The following SLC2A2 variants were observed in gnomAD, a reference collection of about 807,000 sequenced individuals.
SLC2A2 encodes solute carrier family 2, facilitated glucose transporter member 2.
A neutral mutation model predicts 54.5 loss-of-function variants in SLC2A2; 36 were observed. The observed-to-expected ratio is 0.66, with a 90% CI of 0.51 to 0.87. The LOEUF is 0.87. Ranked by LOEUF, SLC2A2 falls within the 40% of genes least tolerant of loss-of-function variation. The pLI, the probability that SLC2A2 is intolerant of heterozygous loss-of-function variation, is 0.00. For synonymous variants in SLC2A2, 223 were observed against 219.1 expected (o/e 1.02, Z -0.16); for missense variants, 543 against 624.3 (o/e 0.87, Z 1.39).
intron 1 of SLC2A2, among the ~76,000 whole-genome samples, chr3:171,024,997 A>G (rs1716624119): frequency 6.6e-6 from 1 of 152,258 alleles, no homozygotes; most frequent in Admixed American, 6.5e-5. Flanking sequence ...TGTGCCAGAC[A>G]CTATGTTAAG....
At chr3:171,026,570 T>C (rs1188139270) in intron 1 of SLC2A2, 86 bp downstream of exon 1, 2 of 1,122,888 alleles carry the variant, frequency 1.8e-6, no homozygotes, top group Non-Finnish European at 2.7e-6. Context: ...ACACCCAACC[T>C]CCCCCAAATC....
chr3:171,003,448 G>T (rs1715436135), intron 7 of SLC2A2, among the ~76,000 whole-genome samples: 1 of 147,592 alleles, frequency 6.8e-6, no homozygotes, highest in South Asian at 2.2e-4. Flanking sequence ...TTTTGGGGGG[G>T]AGGGTGGGAG....
intron 1 of SLC2A2, among the ~76,000 whole-genome samples, chr3:171,020,184 T>C (rs1286958798): frequency 6.6e-6 from 1 of 152,074 alleles, no homozygotes; most frequent in South Asian, 2.1e-4. Context: ...GTATAAAGAA[T>C]AGCAAATTAG....
intron 1 of SLC2A2, among the ~76,000 whole-genome samples, chr3:171,019,301 C>T (rs1215102449): frequency 6.6e-6 from 1 of 151,730 alleles, no homozygotes; most frequent in Non-Finnish European, 1.5e-5. Flanking sequence ...TGGATGTTGC[C>T]ATGGTGACAA....
intron 4 of SLC2A2, among the ~76,000 whole-genome samples, chr3:171,008,846 A>G (rs1465893857): frequency 6.6e-6 from 1 of 152,086 alleles, no homozygotes; most frequent in Non-Finnish European, 1.5e-5. Context: ...CTTTACCTTG[A>G]TAAAGCTACA....
chr3:171,012,630 G>A (rs1715946270), intron 3 of SLC2A2, among the ~76,000 whole-genome samples: 1 of 152,002 alleles, frequency 6.6e-6, no homozygotes, highest in Non-Finnish European at 1.5e-5. Context: ...AATAATGGAA[G>A]TATTACATTT....
chr3:171,016,861 T>C (rs898983543), intron 2 of SLC2A2, among the ~76,000 whole-genome samples: 3 of 151,354 alleles, frequency 2.0e-5, no homozygotes, highest in Admixed American at 2.0e-4. Flanking sequence ...TCTTTTTTTT[T>C]TTTTTTTTTG....
chr3:170,997,996 T>A lies in SLC2A2; in HGVS notation c.1482A>T (p.Glu494Asp), dbSNP rs1446857276. The A allele has an allele frequency of 6.2e-7, 1 of 1,613,626 alleles. No individual in the cohort carries two copies. The highest frequency in any genetic ancestry group is 8.5e-7 in the Non-Finnish European group (1 of 1,179,794). Residue 494 changes from glutamate to aspartate, a missense_variant, in exon 11 of 11, where the codon GAA (glutamate) becomes GAT (aspartate). Around this residue, in one of 3 missense-constraint regions of SLC2A2, gnomAD observed 108 missense variants for 101.3 expected, o/e 1.07. Transcript: ENST00000314251. Reference sequence around the variant, plus strand: ...TCTTCTTTTGGAATTCTGCAGCAATTTCCTCAAAAGACTTTCCTTTGGTTT... The same window carrying A: ...TCTTCTTTTGGAATTCTGCAGCAATATCCTCAAAAGACTTTCCTTTGGTTT... ...VPETKGKSFE[E>D]IAAEFQKKSG...
chr3:171,002,597 G>A lies in SLC2A2; in HGVS notation c.1047C>T (p.Asn349=), dbSNP rs768406855. Residue 349 remains asparagine (N), a synonymous_variant, in exon 8 of 11, where the codon AAC becomes AAT. Coordinates refer to ENST00000314251, the MANE Select transcript of SLC2A2 (RefSeq NM_000340.2). The stretch of plus-strand genomic sequence containing the variant: ...TTACAGAGACAGCAGTGAAAACCAT[G>A]TTTACAGCGCCAACTCCAATGGTTG... ...VYATIGVGAV[N]MVFTAVSVFL... 1.3e-5 allele frequency: 21 copies of A among 1,609,114 alleles called. No homozygotes were observed. The highest frequency in any genetic ancestry group is 1.7e-5 in the Admixed American group (1 of 59,716).
rs1426601613 is a variant in SLC2A2, at chr3:171,019,113, ATATATATATACGTATG to A, written c.16-506_16-491del. On this transcript the variant is annotated intron_variant, in intron 1 of 10. Transcript: ENST00000314251. ...TGTGTGTGTGTATATATATATATAT[ATATATATATACGTATG>A]TATATATATATATATATATATATAT... Among the ~76,000 whole-genome samples, 40 of 5,550 alleles carry A rather than the reference ATATATATATACGTATG, an allele frequency of 7.2e-3. No individual in the cohort carries two copies. In the East Asian group the frequency reaches 0.083, roughly 12 times the overall value. The allele number at this position is 5,550 out of a possible 152,430, so 3.6% of individuals were successfully genotyped here.
chr3:171,001,826 C>T lies in SLC2A2; in HGVS notation c.1068+750G>A, dbSNP rs887609245. Among the ~76,000 whole-genome samples, 4 of 150,996 alleles carry T rather than the reference C, an allele frequency of 2.6e-5. No homozygotes were observed. The South Asian group carries it at 6.3e-4, about 24-fold the overall frequency. ...TAAGAACCATCACTTCTTATATATC[C>T]TTAATATATAAGAACCATCACTTCT... On this transcript the variant is annotated intron_variant, in intron 8 of 10. Coordinates refer to ENST00000314251, the MANE Select transcript of SLC2A2 (RefSeq NM_000340.2).
At chr3:171,016,162 G>A (rs760969381) in intron 2 of SLC2A2, among the ~76,000 whole-genome samples, 2 of 152,196 alleles carry the variant, frequency 1.3e-5, no homozygotes, top group Non-Finnish European at 2.9e-5. Context: ...CAGACTGGGT[G>A]CCGTAGCTCA....
At chr3:171,015,710 C>T (rs187206761) in intron 2 of SLC2A2, among the ~76,000 whole-genome samples, 6 of 152,014 alleles carry the variant, frequency 3.9e-5, no homozygotes, top group African/African-American at 1.4e-4. Flanking sequence ...ACTTCCTAGC[C>T]ACCAGGGCAG....
intron 3 of SLC2A2, among the ~76,000 whole-genome samples, chr3:171,013,240 T>C (rs536636152): frequency 4.6e-5 from 7 of 152,280 alleles, no homozygotes; most frequent in African/African-American, 1.7e-4. Context: ...AAATAATTAA[T>C]CTAGAGAATT....
At chr3:171,021,321 G>C (rs1716454759) in intron 1 of SLC2A2, among the ~76,000 whole-genome samples, 1 of 152,144 alleles carries the variant, frequency 6.6e-6, no homozygotes, top group Non-Finnish European at 1.5e-5. Context: ...ACTGAAACCA[G>C]GACAATCTCA....
Position 171,002,653 on chromosome 3 carries a change from GA to G in SLC2A2, c.990del (p.Gln331ArgfsTer18). The G allele has an allele frequency of 6.2e-7, 1 of 1,608,312 alleles. No individual in the cohort carries two copies. The highest frequency in any genetic ancestry group is 8.5e-7 in the Non-Finnish European group (1 of 1,176,522). Reference protein sequence around the residue: ...NGIFYYSTSIFQTAGISKPVY... With the variant: ...NGIFYYSTSIXQTAGISKPVY... The stretch of plus-strand genomic sequence containing the variant: ...ACAGGTTTGCTGATACCAGCCGTCT[GA>G]AAAATGCTGGTTGAGTAGTAAAAAA... On this transcript the variant is annotated frameshift_variant, in exon 8 of 11. Transcript: ENST00000314251. LOFTEE classifies it high-confidence loss of function.
chr3:171,011,642 A>G (rs1359509013), intron 3 of SLC2A2, among the ~76,000 whole-genome samples: 1 of 152,166 alleles, frequency 6.6e-6, no homozygotes, highest in Non-Finnish European at 1.5e-5. Context: ...GAGTATAGGG[A>G]AACAGAGTGA....
chr3:171,007,249 G>C lies in SLC2A2; in HGVS notation c.511C>G (p.Leu171Val). ...ATTTCACCGATATACATAGGAACCA[G>C]GCCTGAAATTAGCCCTGCATGAAAC... The part of the protein sequence containing the change: ...SGLYCGLISG[L>V]VPMYIGEIAP... The change falls in exon 5 of 11, where the codon CTG becomes GTG. Residue 171 changes from leucine to valine, a missense_variant. Transcript: ENST00000314251. 1 of 1,606,758 alleles carries C rather than the reference G, an allele frequency of 6.2e-7. No homozygotes were observed. Among genetic ancestry groups the C allele is most frequent in the Non-Finnish European group, 8.5e-7 (1 of 1,173,860 alleles).
At chr3:171,018,117 A>G (rs1185738098) in intron 2 of SLC2A2, among the ~76,000 whole-genome samples, 1 of 152,178 alleles carries the variant, frequency 6.6e-6, no homozygotes, top group East Asian at 1.9e-4. Flanking sequence ...TGATGCAAAT[A>G]AGCAGGTGCT....
Sources: gnomAD v4.1 joint callset for allele counts (sites outside exome capture counted in the v4.1 genomes callset) on GRCh38, gnomAD v4.1.1 for gene constraint, gnomAD v4.1.1 regional missense constraint, MANE v1.5 for transcripts, NCBI Gene and HGNC (gene_info 2026-07-23, HGNC 2026-07-21) for gene names.